The following LPAR3 variants were observed in gnomAD, a reference collection of about 807,000 sequenced individuals.
LPAR3 encodes LPA receptor 3.
Under a neutral mutation model 17.8 loss-of-function variants are expected in LPAR3, and 7 were observed. The observed-to-expected ratio is 0.39, with a 90% CI of 0.22 to 0.74. LPAR3 has a LOEUF of 0.74. LPAR3 is among the 30% of genes least tolerant of loss of function. LPAR3 has a pLI of 0.40. For missense variants in LPAR3, 391 were observed against 453.4 expected (o/e 0.86, Z 1.25); for synonymous variants, 179 against 179.9 (o/e 0.99, Z 0.04).
At chr1:84,838,365 A>G (rs1659444479) in intron 2 of LPAR3, among the ~76,000 whole-genome samples, 1 of 152,116 alleles carries the variant, frequency 6.6e-6, no homozygotes, top group Non-Finnish European at 1.5e-5. Flanking sequence ...CCCATTCTCA[A>G]AGATTACAGA....
rs1044275691 is a variant in LPAR3, at chr1:84,893,108, G to GCCGGGCT, written c.-118_-112dup. 2.0e-5 allele frequency: 3 copies of GCCGGGCT among 152,042 alleles called. No homozygotes were observed. The highest frequency in any genetic ancestry group is 7.2e-5 in the African/African-American group (3 of 41,420). The allele number at this position is 152,042 out of a possible 1,614,324, so 9.4% of individuals were successfully genotyped here. On this transcript the variant is annotated 5_prime_UTR_variant, in exon 1 of 3. Transcript: ENST00000370611. The stretch of plus-strand genomic sequence containing the variant: ...GTCGAGCGCGACGGGGCGACCGGGC[G>GCCGGGCT]CCGGGCTCCAGCCGGGCGCGGAGAA...
At chr1:84,876,103 A>G (rs1217846941) in intron 1 of LPAR3, among the ~76,000 whole-genome samples, 1 of 152,214 alleles carries the variant, frequency 6.6e-6, no homozygotes, top group Non-Finnish European at 1.5e-5. Context: ...CTAAACAAAC[A>G]AGCCAGAGGG....
intron 1 of LPAR3, among the ~76,000 whole-genome samples, chr1:84,875,907 AG>A (rs1480415259): frequency 6.6e-6 from 1 of 152,198 alleles, no homozygotes; most frequent in Non-Finnish European, 1.5e-5. Context: ...TGCCAGTAAC[AG>A]GTTAACAGTG....
chr1:84,855,146 C>T (rs1160106505), intron 2 of LPAR3, among the ~76,000 whole-genome samples: 1 of 152,196 alleles, frequency 6.6e-6, no homozygotes, highest in African/African-American at 2.4e-5. Context: ...GGCATAATTC[C>T]AGCAAACACC....
intron 2 of LPAR3, among the ~76,000 whole-genome samples, chr1:84,834,134 AT>A (rs1659348296): frequency 6.6e-6 from 1 of 152,180 alleles, no homozygotes; most frequent in Admixed American, 6.5e-5. Context: ...CATGCTGCAA[AT>A]ATTTTTTAAA....
At chr1:84,834,110 T>C (rs926233383) in intron 2 of LPAR3, among the ~76,000 whole-genome samples, 5 of 152,190 alleles carry the variant, frequency 3.3e-5, no homozygotes, top group African/African-American at 1.2e-4. Flanking sequence ...AGTGTGTCTC[T>C]ATTAAAGCCT....
chr1:84,845,855 TC>T (rs1659586565), intron 2 of LPAR3, among the ~76,000 whole-genome samples: 4 of 152,200 alleles, frequency 2.6e-5, no homozygotes, highest in African/African-American at 9.6e-5. Flanking sequence ...GTATACTTTA[TC>T]CACTGGGAAG....
intron 2 of LPAR3, among the ~76,000 whole-genome samples, chr1:84,836,856 G>A (rs1329712230): frequency 6.6e-6 from 1 of 151,914 alleles, no homozygotes; most frequent in East Asian, 1.9e-4. Context: ...ATTTATTTTT[G>A]TTTTAAATGG....
intron 1 of LPAR3, among the ~76,000 whole-genome samples, chr1:84,868,746 C>T (rs1570896837): frequency 6.6e-6 from 1 of 152,154 alleles, no homozygotes; most frequent in Admixed American, 6.5e-5. Flanking sequence ...AGCATTTGCC[C>T]CCTTCTGGAA....
At position 84,829,108 on chromosome 1, in the gene LPAR3, CCTAAAATATTAT is replaced by C. The variant is rs1427326001; in HGVS notation, c.737-14949_737-14938del. The stretch of plus-strand genomic sequence containing the variant: ...TTAATACCCAGCCCAGCAGCCATTC[CCTAAAATATTAT>C]TCTGCTTGATTTCCTTGTATCCCTC... On this transcript the variant is annotated intron_variant, in intron 2 of 2. Transcript: ENST00000370611. Among the ~76,000 whole-genome samples, 691 of 147,928 alleles carry C rather than the reference CCTAAAATATTAT, an allele frequency of 4.7e-3. 8 individuals are homozygous for C. Among genetic ancestry groups the C allele is most frequent in the African/African-American group, 0.017 (665 of 39,798 alleles).
chr1:84,827,423 A>T (rs971179966), intron 2 of LPAR3, among the ~76,000 whole-genome samples: 1 of 151,978 alleles, frequency 6.6e-6, no homozygotes, highest in Non-Finnish European at 1.5e-5. Context: ...ATGAAGGTCA[A>T]TGACTCCATC....
At chr1:84,856,158 C>T (rs887899222) in intron 2 of LPAR3, among the ~76,000 whole-genome samples, 1 of 152,154 alleles carries the variant, frequency 6.6e-6, no homozygotes, top group African/African-American at 2.4e-5. Context: ...TGTAGCAATG[C>T]CATGAAGCAC....
chr1:84,892,282 T>G (rs1660567522), intron 1 of LPAR3, among the ~76,000 whole-genome samples: 1 of 151,994 alleles, frequency 6.6e-6, no homozygotes, highest in African/African-American at 2.4e-5. Flanking sequence ...CAAATGCTTT[T>G]CAGGGCCATT....
intron 2 of LPAR3, among the ~76,000 whole-genome samples, chr1:84,834,756 C>A (rs1659364105): frequency 6.6e-6 from 1 of 152,166 alleles, no homozygotes; most frequent in Non-Finnish European, 1.5e-5. Flanking sequence ...GGTAGAATCA[C>A]AGACTCTGAG....
rs897142872 is a variant in LPAR3 at position 84,887,176 on chromosome 1, G to C, written c.-19+5840C>G. On this transcript the variant is annotated intron_variant, in intron 1 of 2. Transcript: ENST00000370611. Reference sequence around the variant, plus strand: ...GCTCAGGATTTCGAGACCAGCTTGGGCACCATGGTGAAACCAACTCCATCT... The same window carrying C: ...GCTCAGGATTTCGAGACCAGCTTGGCCACCATGGTGAAACCAACTCCATCT... 4.0e-5 allele frequency among the ~76,000 whole-genome samples: 6 copies of C among 150,810 alleles called. No homozygotes were observed. The East Asian group carries it at 1.2e-3, about 30-fold the overall frequency.
At position 84,885,002 on chromosome 1, in the gene LPAR3, T is replaced by C. The variant is rs531763690; in HGVS notation, c.-19+8014A>G. Among the ~76,000 whole-genome samples the C allele has an allele frequency of 2.6e-5, 4 of 152,290 alleles. No individual in the cohort carries two copies. In the East Asian group the frequency reaches 7.7e-4, roughly 29 times the overall value. On this transcript the variant is annotated intron_variant, in intron 1 of 2. Transcript: ENST00000370611. ...TCAAAGACAGAAGTGCATGAAGACATGTGTAAAGATGCAAAATTCCCCCAG... is the reference window on the plus strand; with the variant it reads ...TCAAAGACAGAAGTGCATGAAGACACGTGTAAAGATGCAAAATTCCCCCAG...
chr1:84,850,897 T>C (rs1659694307), intron 2 of LPAR3, among the ~76,000 whole-genome samples: 1 of 152,366 alleles, frequency 6.6e-6, no homozygotes, highest in East Asian at 1.9e-4. Context: ...GGACCCAGGC[T>C]GAGCCAGTCT....
chr1:84,858,930 G>A (rs1238737776), intron 2 of LPAR3, among the ~76,000 whole-genome samples: 1 of 152,212 alleles, frequency 6.6e-6, no homozygotes, highest in Non-Finnish European at 1.5e-5. Flanking sequence ...ATAGACCTTT[G>A]AGTTAGGTCT....
chr1:84,885,269 T>C (rs1183676085), intron 1 of LPAR3, among the ~76,000 whole-genome samples: 1 of 151,930 alleles, frequency 6.6e-6, no homozygotes, highest in Non-Finnish European at 1.5e-5. Flanking sequence ...ACCTAGAGGG[T>C]GAGATGAGAC....
Sources: allele counts gnomAD v4.1 joint callset (sites outside exome capture counted in the v4.1 genomes callset), GRCh38; gene constraint gnomAD v4.1.1; transcripts MANE v1.5; gene names NCBI Gene and HGNC (gene_info 2026-07-23, HGNC 2026-07-21).